Variants in PTPRG observed in about 807,000 individuals in gnomAD.
PTPRG encodes protein tyrosine phosphatase receptor type G.
Under a neutral mutation model 165.3 loss-of-function variants are expected in PTPRG, and 102 were observed. The observed-to-expected ratio is 0.62, with a 90% CI of 0.53 to 0.73. The LOEUF is 0.73. PTPRG is among the 30% of genes least tolerant of loss of function. PTPRG has a pLI of 0.00. For missense variants in PTPRG, 1,866 were observed against 1,861.4 expected (o/e 1.00, Z -0.05); for synonymous variants, 675 against 669.5 (o/e 1.01, Z -0.13).
chr3:61,878,083 G>T (rs1436694529), intron 2 of PTPRG, among the ~76,000 whole-genome samples: 1 of 152,158 alleles, frequency 6.6e-6, no homozygotes, highest in African/African-American at 2.4e-5. Context: ...AAGTGTTAGG[G>T]TATCAGAATT....
chr3:61,686,763 A>G (rs1224738140), intron 1 of PTPRG, among the ~76,000 whole-genome samples: 3 of 152,224 alleles, frequency 2.0e-5, no homozygotes, highest in Non-Finnish European at 4.4e-5. Flanking sequence ...TTGTCTGTAT[A>G]TCGAAATCTC....
intron 1 of PTPRG, among the ~76,000 whole-genome samples, chr3:61,611,321 T>C (rs750773159): frequency 6.6e-6 from 1 of 152,212 alleles, no homozygotes; most frequent in African/African-American, 2.4e-5. Context: ...AGAACCTTGC[T>C]GTGTGGATCA....
At chr3:61,960,776 T>A (rs1030819161) in intron 2 of PTPRG, among the ~76,000 whole-genome samples, 5 of 152,152 alleles carry the variant, frequency 3.3e-5, no homozygotes, top group Non-Finnish European at 5.9e-5. Context: ...TAATGGGTCT[T>A]GGGGAGTATC....
intron 5 of PTPRG, among the ~76,000 whole-genome samples, chr3:62,114,816 T>G (rs1347988071): frequency 6.6e-6 from 1 of 151,942 alleles, no homozygotes; most frequent in South Asian, 2.1e-4. Flanking sequence ...TAATTTTTAG[T>G]TTTTTGTAGA....
chr3:62,119,787 A>ATTTTTTTTTTTTTT (rs34842750), intron 5 of PTPRG, among the ~76,000 whole-genome samples: 19 of 111,708 alleles, frequency 1.7e-4, no homozygotes, highest in South Asian at 3.2e-4. Context: ...CGCCTGGCTA[A>ATTTTTTTTTTTTTT]TTTTTTTTTT....
At chr3:61,811,409 CT>C (rs1440968429) in intron 2 of PTPRG, among the ~76,000 whole-genome samples, 1 of 152,164 alleles carries the variant, frequency 6.6e-6, no homozygotes, top group African/African-American at 2.4e-5. Flanking sequence ...TCCCCTCTTG[CT>C]TTTGGTCCCA....
intron 10 of PTPRG, among the ~76,000 whole-genome samples, 188 bp from the exon 11 acceptor site, chr3:62,201,317 T>G (rs140232570): frequency 5.8e-4 from 89 of 152,342 alleles, no homozygotes; most frequent in African/African-American, 2.0e-3. Context: ...AATCTAGCTC[T>G]CCGCATGTTT....
Position 62,229,850 on chromosome 3 carries a change from G to A in PTPRG, c.2289-1375G>A, listed in dbSNP as rs1164305896. Among the ~76,000 whole-genome samples the A allele has an allele frequency of 2.0e-5, 3 of 152,204 alleles. No homozygotes were observed. The highest frequency in any genetic ancestry group is 4.4e-5 in the Non-Finnish European group (3 of 68,040). ...GTGATTGTGTGTGAGGAAAAACTGC[G>A]GAGATAGCCGGCTCTGCTCCAAAAT... On this transcript the variant is annotated intron_variant, in intron 13 of 29. Transcript: ENST00000474889. This position sits in a 1 kb window ranked among gnomAD's most constrained non-coding sequence, Gnocchi z 4.6.
At chr3:61,795,985 G>T (rs2035033508) in intron 2 of PTPRG, among the ~76,000 whole-genome samples, 1 of 152,098 alleles carries the variant, frequency 6.6e-6, no homozygotes, top group South Asian at 2.1e-4. Context: ...TTTTGTCCTT[G>T]GCCTGTTCCC....
intron 2 of PTPRG, among the ~76,000 whole-genome samples, chr3:61,814,396 CTT>C (rs954313728): frequency 6.6e-6 from 1 of 152,156 alleles, no homozygotes; most frequent in Non-Finnish European, 1.5e-5. Context: ...GAAGGACAGA[CTT>C]TGCTAGTTTT....
chr3:62,107,418 C>G (rs1702511014), intron 5 of PTPRG, among the ~76,000 whole-genome samples: 1 of 152,212 alleles, frequency 6.6e-6, no homozygotes, highest in Non-Finnish European at 1.5e-5. Flanking sequence ...ACTCCTATAA[C>G]AGATAACACA....
At chr3:61,801,002 T>C (rs1414198537) in intron 2 of PTPRG, among the ~76,000 whole-genome samples, 1 of 152,138 alleles carries the variant, frequency 6.6e-6, no homozygotes, top group African/African-American at 2.4e-5. Flanking sequence ...AGAAATCTGC[T>C]GAAGCTTTGC....
At chr3:62,108,213 AG>A (rs1439459864) in intron 5 of PTPRG, among the ~76,000 whole-genome samples, 2 of 145,502 alleles carry the variant, frequency 1.4e-5, no homozygotes, top group Non-Finnish European at 3.0e-5. Context: ...ACCCCGCAAC[AG>A]GCCCCGGTGT....
chr3:61,726,057 G>C (rs772848934), intron 1 of PTPRG, among the ~76,000 whole-genome samples: 1 of 152,118 alleles, frequency 6.6e-6, no homozygotes, highest in Non-Finnish European at 1.5e-5. Flanking sequence ...TGACTGGCTG[G>C]GATGAGTGGT....
chr3:61,926,703 C>G (rs2039222439), intron 2 of PTPRG, among the ~76,000 whole-genome samples: 1 of 150,564 alleles, frequency 6.6e-6, no homozygotes, highest in African/African-American at 2.4e-5. Flanking sequence ...CCAGCCTTGA[C>G]TCCCATTCAT....
intron 2 of PTPRG, among the ~76,000 whole-genome samples, chr3:61,833,252 T>C (rs537569980): frequency 1.3e-5 from 2 of 152,204 alleles, no homozygotes; most frequent in Admixed American, 6.5e-5. Flanking sequence ...ATATATACTA[T>C]AGGACTTTCA....
intron 6 of PTPRG, among the ~76,000 whole-genome samples, chr3:62,137,702 T>C (rs1182028872): frequency 6.6e-6 from 1 of 152,148 alleles, no homozygotes; most frequent in Non-Finnish European, 1.5e-5. Context: ...CTTTGGAGCT[T>C]CTTCTCAGTC....
intron 8 of PTPRG, among the ~76,000 whole-genome samples, chr3:62,185,845 T>C (rs957153037): frequency 1.3e-5 from 2 of 152,190 alleles, no homozygotes; most frequent in Admixed American, 1.3e-4. Context: ...GGAAGATAAT[T>C]GCTAGACCCT....
At chr3:61,563,516 C>T (rs1172070908) in intron 1 of PTPRG, among the ~76,000 whole-genome samples, 1 of 152,116 alleles carries the variant, frequency 6.6e-6, no homozygotes, top group African/African-American at 2.4e-5. Context: ...GAGGCCAAGT[C>T]CTGCCCTAGC....
Sources: allele counts gnomAD v4.1 joint callset (sites outside exome capture counted in the v4.1 genomes callset), GRCh38; gene constraint gnomAD v4.1.1; non-coding constraint Gnocchi (gnomAD v3.1); transcripts MANE v1.5; gene names NCBI Gene and HGNC (gene_info 2026-07-23, HGNC 2026-07-21).